Variants in RBFOX3 observed in about 807,000 individuals in gnomAD.
RBFOX3 encodes the protein RNA binding fox-1 homolog 3.
RBFOX3 carries 17 observed loss-of-function variants against 48.7 expected under a neutral mutation model. The ratio of observed to expected loss-of-function variants is 0.35; its 90% CI spans 0.24 to 0.52. The LOEUF (loss-of-function observed/expected upper bound fraction) is 0.52, where lower values mean the gene tolerates loss of function less well. Among genes scored for constraint, RBFOX3 ranks in the 20% least tolerant of loss-of-function variants. The pLI is 0.94. For missense variants in RBFOX3, 382 were observed against 497.5 expected (o/e 0.77, Z 2.21); for synonymous variants, 212 against 209.5 (o/e 1.01, Z -0.10).
chr17:79,644,591 T>C, the RBFOX3 span, among the ~76,000 whole-genome samples: 15 of 152,222 alleles, frequency 9.9e-5, no homozygotes, highest in East Asian at 2.9e-3. Context: ...ATTGTATTTT[T>C]ATGTTTAGAG....
chr17:79,620,627 ACACACGCACACGCACACACACGGACATG>A, the RBFOX3 span, among the ~76,000 whole-genome samples: 6 of 35,782 alleles, frequency 1.7e-4, no homozygotes, highest in African/African-American at 3.2e-4. Flanking sequence ...ACGCACATGC[ACACACGCACACGCACACACACGGACATG>A]CACACACGCA....
At chr17:79,128,014 C>T (rs1481363748) in intron 4 of RBFOX3, among the ~76,000 whole-genome samples, 1 of 152,228 alleles carries the variant, frequency 6.6e-6, no homozygotes, top group Non-Finnish European at 1.5e-5. Flanking sequence ...GAATCTGCCC[C>T]CAAAATACAC....
chr17:79,658,257 A>C, the RBFOX3 span, among the ~76,000 whole-genome samples: 2 of 146,402 alleles, frequency 1.4e-5, no homozygotes, highest in East Asian at 2.1e-4. Context: ...CCCCTCCTCC[A>C]TTTCTCCCTC....
intron 4 of RBFOX3, among the ~76,000 whole-genome samples, chr17:79,182,001 A>AC (rs2052088252): frequency 6.1e-5 from 8 of 131,140 alleles, no homozygotes; most frequent in Admixed American, 2.2e-4. Context: ...ACACACACAC[A>AC]AACACACAAT....
At chr17:79,308,348 G>A (rs1354157089) in intron 2 of RBFOX3, among the ~76,000 whole-genome samples, 1 of 152,196 alleles carries the variant, frequency 6.6e-6, no homozygotes, top group Non-Finnish European at 1.5e-5. Context: ...CTAGGCCCTC[G>A]ATGGGAAGTA....
At chr17:79,112,106 AAG>A (rs1212428667) in intron 5 of RBFOX3, among the ~76,000 whole-genome samples, 1 of 152,154 alleles carries the variant, frequency 6.6e-6, no homozygotes, top group African/African-American at 2.4e-5. Context: ...GGACGGTGAA[AAG>A]AGGTGTCCTG....
rs139992721 is a variant in RBFOX3 at position 79,539,582 on chromosome 17, G to T, written c.-319-56984C>A. 3.3e-3 allele frequency among the ~76,000 whole-genome samples: 508 copies of T among 152,290 alleles called. 6 individuals are homozygous for T. Among genetic ancestry groups the T allele is most frequent in the African/African-American group, 0.012 (497 of 41,566 alleles). On this transcript the variant is annotated intron_variant, in intron 1 of 14. Coordinates refer to ENST00000693108, the MANE Select transcript of RBFOX3 (RefSeq NM_001350451.2). ...TAGTGCATGGTGGTGTCTGTGCATT[G>T]GTTTGGGAGGAGACATTTCCCATTG...
intron 3 of RBFOX3, among the ~76,000 whole-genome samples, chr17:79,272,193 G>C (rs1321395051): frequency 6.6e-6 from 1 of 152,204 alleles, no homozygotes; most frequent in Non-Finnish European, 1.5e-5. Context: ...TACACAGGCA[G>C]CAGCCGCCGT....
intron 14 of RBFOX3, among the ~76,000 whole-genome samples, chr17:79,091,487 G>A (rs1371884348): frequency 6.6e-6 from 1 of 152,244 alleles, no homozygotes; most frequent in African/African-American, 2.4e-5. Flanking sequence ...GTCCCAGCCA[G>A]TGTCTCCCCA....
chr17:79,415,136 G>C (rs757105595), intron 2 of RBFOX3, among the ~76,000 whole-genome samples: 2 of 152,220 alleles, frequency 1.3e-5, no homozygotes, highest in African/African-American at 4.8e-5. Context: ...GAGACCACTT[G>C]GGGGTGCAAT....
chr17:79,202,000 G>C (rs2056828602), intron 4 of RBFOX3, among the ~76,000 whole-genome samples: 1 of 152,162 alleles, frequency 6.6e-6, no homozygotes, highest in Non-Finnish European at 1.5e-5. Flanking sequence ...TCCTCCTCCT[G>C]CCGGCTTCAC....
At chr17:79,662,230 C>T in the RBFOX3 span, among the ~76,000 whole-genome samples, 3 of 144,234 alleles carry the variant, frequency 2.1e-5, no homozygotes, top group African/African-American at 7.6e-5. Flanking sequence ...TCACACCATT[C>T]TCCTGCCTCA....
chr17:79,157,568 G>T (rs1425655997), intron 4 of RBFOX3, among the ~76,000 whole-genome samples: 1 of 152,194 alleles, frequency 6.6e-6, no homozygotes, highest in Admixed American at 6.5e-5. Context: ...ACCCGGGGGT[G>T]AGGTTGTACA....
chr17:79,560,990 C>A (rs1268598038), intron 1 of RBFOX3, among the ~76,000 whole-genome samples: 1 of 152,200 alleles, frequency 6.6e-6, no homozygotes, highest in African/African-American at 2.4e-5. Flanking sequence ...CCAGCCAACT[C>A]TATGGGCCAG....
rs1482850357 is a variant in RBFOX3 at position 79,471,016 on chromosome 17, A to T, written c.-175+11438T>A. ...CTAGCTCTGTGATGCACCACCACGA[A>T]AAAAATAACAGCAGAACCAGCCCTT... is the stretch of plus-strand genomic sequence containing the variant. On this transcript the variant is annotated intron_variant, in intron 2 of 14. Coordinates refer to ENST00000693108, the MANE Select transcript of RBFOX3 (RefSeq NM_001350451.2). The surrounding 1 kb of genome is among the most constrained non-coding windows in gnomAD (Gnocchi z 4.0). Among the ~76,000 whole-genome samples, 1 of 130,482 alleles carries T rather than the reference A, an allele frequency of 7.7e-6. No individual in the cohort carries two copies. Among genetic ancestry groups the T allele is most frequent in the East Asian group, 1.9e-4 (1 of 5,186 alleles). 85.6% of individuals were successfully genotyped at this position (130,482 alleles called of 152,430 possible).
intron 3 of RBFOX3, among the ~76,000 whole-genome samples, chr17:79,303,847 C>G (rs955399288): frequency 1.1e-5 from 1 of 94,874 alleles, no homozygotes; most frequent in African/African-American, 4.0e-5. Context: ...GTGTGCATGT[C>G]TGCCTGTGTG....
intron 3 of RBFOX3, among the ~76,000 whole-genome samples, chr17:79,275,826 C>T (rs1007672073): frequency 1.3e-5 from 2 of 152,214 alleles, no homozygotes; most frequent in East Asian, 3.9e-4. Context: ...GGTGACATTT[C>T]CTCTAAATCC....
chr17:79,616,181 T>C, the RBFOX3 span, among the ~76,000 whole-genome samples: 150,593 of 152,280 alleles, frequency 0.99, 74,481 homozygotes, highest in Non-Finnish European at 1. Flanking sequence ...CTTGCTTGCT[T>C]TCTCAGTCCA....
chr17:79,488,458 T>A (rs2079990152), intron 1 of RBFOX3, among the ~76,000 whole-genome samples: 1 of 152,190 alleles, frequency 6.6e-6, no homozygotes, highest in African/African-American at 2.4e-5. Context: ...ATTCTGAGGC[T>A]GTTCGTCTTC....
Sources: allele counts gnomAD v4.1 joint callset (sites outside exome capture counted in the v4.1 genomes callset), GRCh38; gene constraint gnomAD v4.1.1; non-coding constraint Gnocchi (gnomAD v3.1); transcripts MANE v1.5; gene names NCBI Gene and HGNC (gene_info 2026-07-23, HGNC 2026-07-21).